TJP3: variants seen among roughly 807,000 people sequenced by gnomAD.
TJP3 encodes tight junction protein 3.
In TJP3, 85 loss-of-function variants were observed where a neutral mutation model predicts 104.2. The ratio of observed to expected loss-of-function variants is 0.82; its 90% CI spans 0.68 to 0.98. The LOEUF (loss-of-function observed/expected upper bound fraction) is 0.98. Among genes scored for constraint, TJP3 ranks in the 50% least tolerant of loss-of-function variants. TJP3 has a pLI of 0.00. For missense variants in TJP3, 1,367 were observed against 1,322.8 expected (o/e 1.03, Z -0.52); for synonymous variants, 550 against 550.6 (o/e 1.00, Z 0.02).
intron 1 of TJP3, among the ~76,000 whole-genome samples, chr19:3,711,622 G>A (rs1259634163): frequency 6.7e-6 from 1 of 149,212 alleles, no homozygotes; most frequent in Non-Finnish European, 1.5e-5. Context: ...GCCGGATGCG[G>A]TGGCTCACGC....
Position 3,730,620 on chromosome 19 carries a change from T to C in TJP3, c.527T>C (p.Leu176Pro), listed in dbSNP as rs577318534. The C allele has an allele frequency of 1.9e-5, 30 of 1,611,954 alleles. 1 individual carries two copies. The South Asian group carries it at 3.1e-4, about 17-fold the overall frequency. Residue 176 changes from leucine to proline, a missense_variant, in exon 5 of 21, where the codon CTG becomes CCG. Leu to Pro is a moderately conservative substitution (Grantham distance 98). Transcript: ENST00000541714. This position sits in a 1 kb window ranked among gnomAD's most constrained non-coding sequence, Gnocchi z 7.3. ...GGCTCTGAGGCCAACGGGCTGGCCC[T>C]GGTGTCCGGCTTTAAGCGGCTGCCA... ...GGGSEANGLA[L>P]VSGFKRLPRQ... is the part of the protein sequence containing the mutation.
intron 1 of TJP3, among the ~76,000 whole-genome samples, chr19:3,719,327 T>C (rs1599144386): frequency 6.6e-6 from 1 of 152,074 alleles, no homozygotes; most frequent in East Asian, 1.9e-4. Context: ...TGGTTAATGG[T>C]GTTTCTACAT....
intron 1 of TJP3, among the ~76,000 whole-genome samples, chr19:3,716,175 T>G (rs2036475582): frequency 6.8e-6 from 1 of 146,270 alleles, no homozygotes; most frequent in African/African-American, 2.5e-5. Flanking sequence ...CGGGTTCAAG[T>G]GATTCTCCTG....
chr19:3,714,228 T>G (rs1183935145), intron 1 of TJP3, among the ~76,000 whole-genome samples: 1 of 152,038 alleles, frequency 6.6e-6, no homozygotes, highest in African/African-American at 2.4e-5. Flanking sequence ...TTTTGTATTT[T>G]TAGTAGAGAC....
intron 1 of TJP3, among the ~76,000 whole-genome samples, chr19:3,719,470 T>C (rs2036521938): frequency 6.6e-6 from 1 of 151,882 alleles, no homozygotes; most frequent in Non-Finnish European, 1.5e-5. Flanking sequence ...GAGTAGTGGC[T>C]CATGCCCATA....
rs28625352 is a variant in TJP3 at position 3,744,544 on chromosome 19, G to C, written c.1939+510G>C. Among the ~76,000 whole-genome samples, 808 of 151,794 alleles carry C rather than the reference G, an allele frequency of 5.3e-3. 5 individuals are homozygous for C. The highest frequency in any genetic ancestry group is 0.019 in the African/African-American group (780 of 41,362). On this transcript the variant is annotated intron_variant, in intron 15 of 20. Coordinates refer to ENST00000541714, the MANE Select transcript of TJP3 (RefSeq NM_001267560.2). Reference sequence around the variant, plus strand: ...CTAGGTGTGGTGGCGCGTACCTGTAGTCCCAGCTACTCGGGAGGCTGAGGC... The same window carrying C: ...CTAGGTGTGGTGGCGCGTACCTGTACTCCCAGCTACTCGGGAGGCTGAGGC...
Position 3,730,062 on chromosome 19 carries a change from T to A in TJP3, c.193T>A (p.Ser65Thr). The change falls in exon 4 of 21, where the codon TCC becomes ACC. Residue 65 changes from serine to threonine, a missense_variant. Coordinates refer to ENST00000541714, the MANE Select transcript of TJP3 (RefSeq NM_001267560.2). The surrounding 1 kb of genome is among the most constrained non-coding windows in gnomAD (Gnocchi z 7.3). ...CCACATCGTCATGGTGAACGGGGTT[T>A]CCATGGAGAATGCCACCTCCGCGTT... Reference protein sequence around the residue: ...GDHIVMVNGVSMENATSAFAI... With the variant: ...GDHIVMVNGVTMENATSAFAI... 1 of 1,614,034 alleles carries A rather than the reference T, an allele frequency of 6.2e-7. No homozygotes were observed. Among genetic ancestry groups the A allele is most frequent in the South Asian group, 1.1e-5 (1 of 91,074 alleles).
chr19:3,750,712 C>T lies in TJP3; in HGVS notation c.*28C>T, dbSNP rs1221184570. The T allele has an allele frequency of 1.3e-6, 2 of 1,541,096 alleles. No individual in the cohort carries two copies. Among genetic ancestry groups the T allele is most frequent in the African/African-American group, 2.7e-5 (2 of 73,476 alleles). ...TCTCGAAGGCTGCCAGCTGGTCCGT[C>T]CTCCTTCTCCCTCCCTGGGGCTGGG... On this transcript the variant is annotated 3_prime_UTR_variant, in exon 21 of 21. Coordinates refer to ENST00000541714, the MANE Select transcript of TJP3 (RefSeq NM_001267560.2).
Position 3,730,550 on chromosome 19 carries a change from C to A in TJP3, c.457C>A (p.Arg153Ser). ...DERSRRPRPGRRGRAGSHGRR... is the reference protein window; with the variant it reads ...DERSRRPRPGSRGRAGSHGRR... ...GCGCTCCCGCCGGCCGAGGCCTGGT[C>A]GCCGGGGCCGGGCCGGCAGCCATGG... Residue 153 changes from arginine to serine, a missense_variant, in exon 5 of 21, where the codon CGC becomes AGC. Transcript: ENST00000541714. The surrounding 1 kb of genome is among the most constrained non-coding windows in gnomAD (Gnocchi z 7.3). 1 of 1,602,984 alleles carries A rather than the reference C, an allele frequency of 6.2e-7. No individual in the cohort carries two copies. The highest frequency in any genetic ancestry group is 1.1e-5 in the South Asian group (1 of 90,632).
chr19:3,735,005 G>A (rs1467957731), intron 8 of TJP3, among the ~76,000 whole-genome samples: 4 of 151,994 alleles, frequency 2.6e-5, no homozygotes, highest in Non-Finnish European at 5.9e-5. Context: ...TTGAGACTGA[G>A]TCATGTGAGA....
In TJP3 at chr19:3,740,541, C is replaced by G; in HGVS notation, c.1632-11C>G. ...ACCCCAGTGCTCAGTACTGTCCCCT[C>G]TTCTCCCCAGGGCGGAGCAGCTGGC... On this transcript the variant is annotated splice_polypyrimidine_tract_variant and intron_variant, in intron 13 of 20. Transcript: ENST00000541714. 1.4e-6 allele frequency: 2 copies of G among 1,444,232 alleles called. No homozygotes were observed. Among genetic ancestry groups the G allele is most frequent in the Non-Finnish European group, 1.8e-6 (2 of 1,097,916 alleles). 89.5% of individuals were successfully genotyped at this position (1,444,232 alleles called of 1,614,324 possible). A position where few individuals can be genotyped will look rare whatever the true frequency, so the allele number is the denominator to read the frequency against.
rs1439380615 is a variant in TJP3 at position 3,746,561 on chromosome 19, T to C, written c.2087T>C (p.Val696Ala). 6.2e-7 allele frequency: 1 copy of C among 1,613,936 alleles called. No individual in the cohort carries two copies. The highest frequency in any genetic ancestry group is 8.5e-7 in the Non-Finnish European group (1 of 1,180,022). ...LNYVQYYPIV[V>A]FFIPESRPAL... The stretch of plus-strand genomic sequence containing the variant: ...TATGTGCAGTACTACCCCATTGTGG[T>C]CTTCTTCATCCCCGAGAGCCGGCCG... Residue 696 changes from valine to alanine, a missense_variant, in exon 17 of 21, where the codon GTC becomes GCC. Physicochemically the swap from Val to Ala is moderately conservative, Grantham distance 64. Coordinates refer to ENST00000541714, the MANE Select transcript of TJP3 (RefSeq NM_001267560.2). The surrounding 1 kb of genome is among the most constrained non-coding windows in gnomAD (Gnocchi z 4.1).
Position 3,717,839 on chromosome 19 carries a change from G to A in TJP3, c.-10+9278G>A, listed in dbSNP as rs1408818407. Among the ~76,000 whole-genome samples, 4 of 150,884 alleles carry A rather than the reference G, an allele frequency of 2.7e-5. No homozygotes were observed. The East Asian group carries it at 7.8e-4, about 30-fold the overall frequency. ...ACCATGACTTACTGCAGCCTCCACCGCCTGGGCTCAAGCAATCCTCCCAGC... is the reference window on the plus strand; with the variant it reads ...ACCATGACTTACTGCAGCCTCCACCACCTGGGCTCAAGCAATCCTCCCAGC... On this transcript the variant is annotated intron_variant, in intron 1 of 20. Transcript: ENST00000541714.
At chr19:3,711,863 G>C (rs1235950661) in intron 1 of TJP3, among the ~76,000 whole-genome samples, 1 of 151,472 alleles carries the variant, frequency 6.6e-6, no homozygotes, top group Non-Finnish European at 1.5e-5. Context: ...TTTAAAAATT[G>C]AAAATAGAAA....
At chr19:3,726,074 G>C (rs2036593056) in intron 1 of TJP3, among the ~76,000 whole-genome samples, 1 of 152,258 alleles carries the variant, frequency 6.6e-6, no homozygotes, top group African/African-American at 2.4e-5. Flanking sequence ...GCGCACCAAT[G>C]GGGGGTGCCT....
chr19:3,724,828 C>T (rs1178405223), intron 1 of TJP3, among the ~76,000 whole-genome samples: 3 of 151,940 alleles, frequency 2.0e-5, no homozygotes, highest in Non-Finnish European at 2.9e-5. Context: ...CAGAATCCAC[C>T]GTGCCCGGCC....
chr19:3,717,487 G>A (rs1463698850), intron 1 of TJP3, among the ~76,000 whole-genome samples: 2 of 151,130 alleles, frequency 1.3e-5, no homozygotes, highest in East Asian at 3.9e-4. Flanking sequence ...CCAGGCTGGA[G>A]TGCAGTGGCG....
chr19:3,712,242 G>A (rs1230316999), intron 1 of TJP3, among the ~76,000 whole-genome samples: 1 of 152,184 alleles, frequency 6.6e-6, no homozygotes, highest in Non-Finnish European at 1.5e-5. Context: ...CTTGAACCTG[G>A]GAGGCAGAGG....
At chr19:3,712,220 G>T (rs1411130344) in intron 1 of TJP3, among the ~76,000 whole-genome samples, 1 of 152,216 alleles carries the variant, frequency 6.6e-6, no homozygotes, top group African/African-American at 2.4e-5. Flanking sequence ...GGAGGCTGAG[G>T]CAGGAGAATT....
Sources: allele counts gnomAD v4.1 joint callset (sites outside exome capture counted in the v4.1 genomes callset), GRCh38; gene constraint gnomAD v4.1.1; non-coding constraint Gnocchi (gnomAD v3.1); transcripts MANE v1.5; gene names NCBI Gene and HGNC (gene_info 2026-07-23, HGNC 2026-07-21).